Variants in LAIR1 observed in about 807,000 individuals in gnomAD.
LAIR1 encodes leukocyte-associated immunoglobulin-like receptor 1.
Under a neutral mutation model 32.8 loss-of-function variants are expected in LAIR1, and 24 were observed. The observed-to-expected ratio is 0.73, with a 90% CI of 0.53 to 1.03. LAIR1 has a LOEUF of 1.03. LAIR1 is among the 50% of genes least tolerant of loss of function. The pLI is 0.00. For synonymous variants in LAIR1, 150 were observed against 140.5 expected (o/e 1.07, Z -0.48); for missense variants, 355 against 347.5 (o/e 1.02, Z -0.17).
Position 54,360,601 on chromosome 19 carries a change from AG to A in LAIR1, c.364+314del, listed in dbSNP as rs920673469. ...TGTGAAAAGACACTCATCCTCTTGT[AG>A]GGGGGTTGCCCCCTAATCTCTGGGA... On this transcript the variant is annotated intron_variant, in intron 3 of 9. Transcript: ENST00000391742. 32 of 486,188 alleles carry A rather than the reference AG, an allele frequency of 6.6e-5. 1 individual carries two copies. The Admixed American group carries it at 1.1e-3, about 16-fold the overall frequency. 30.1% of individuals were successfully genotyped at this position (486,188 alleles called of 1,614,324 possible).
chr19:54,373,408 C>T (rs1427541848), upstream of LAIR1, among the ~76,000 whole-genome samples: 1 of 151,748 alleles, frequency 6.6e-6, no homozygotes, highest in Admixed American at 6.6e-5. Flanking sequence ...CGCGCCACTG[C>T]ACTCCAGCCA....
rs1003218674 is a variant in LAIR1 at position 54,360,658 on chromosome 19, G to C, written c.364+258C>G. ...CTCCCCACCCAGCCAAGCAGAGCCAGCTCTGAGCCCACCAGATGCTGGAGC... is the reference window on the plus strand; with the variant it reads ...CTCCCCACCCAGCCAAGCAGAGCCACCTCTGAGCCCACCAGATGCTGGAGC... On this transcript the variant is annotated intron_variant, in intron 3 of 9. Coordinates refer to ENST00000391742, the MANE Select transcript of LAIR1 (RefSeq NM_002287.6). The C allele has an allele frequency of 5.4e-6, 3 of 552,796 alleles. No individual in the cohort carries two copies. The African/African-American group carries it at 5.6e-5, about 10-fold the overall frequency. 34.2% of individuals were successfully genotyped at this position (552,796 alleles called of 1,614,324 possible).
upstream of LAIR1, among the ~76,000 whole-genome samples, chr19:54,372,451 T>G (rs10416813): frequency 0.085 from 12,769 of 150,628 alleles, 1,988 homozygotes; most frequent in African/African-American, 0.28. Context: ...CAGAGAACTT[T>G]GACAAGCCAC....
chr19:54,356,895 C>G, intron 5 of LAIR1, 33 bp downstream of exon 5: 1 of 1,613,260 alleles, frequency 6.2e-7, no homozygotes, highest in Non-Finnish European at 8.5e-7. Context: ...GAGGCACACA[C>G]CAGCTTCATG....
Position 54,355,311 on chromosome 19 carries a change from G to A in LAIR1, c.821C>T (p.Pro274Leu). 1 of 1,613,154 alleles carries A rather than the reference G, an allele frequency of 6.2e-7. No individual in the cohort carries two copies. Among genetic ancestry groups the A allele is most frequent in the African/African-American group, 1.3e-5 (1 of 74,966 alleles). The change falls in exon 10 of 10, where the codon CCC (proline) becomes CTC (leucine). Residue 274 changes from proline (P) to leucine (L), a missense_variant. Physicochemically the swap from Pro to Leu is moderately conservative, Grantham distance 98 (BLOSUM62 -3). Coordinates refer to ENST00000391742, the MANE Select transcript of LAIR1 (RefSeq NM_002287.6). This position sits in a 1 kb window ranked among gnomAD's most constrained non-coding sequence, Gnocchi z 4.7. ...ARAVSPQSTK[P>L]MAESITYAAV... ...TGCATACGTGATGGACTCGGCCATG[G>A]GCTTTGTGGACTGTGGGGACACAGC... is the stretch of plus-strand genomic sequence containing the variant.
chr19:54,358,211 A>G (rs1212580645), intron 4 of LAIR1: 2 of 144,504 alleles, frequency 1.4e-5, no homozygotes, highest in African/African-American at 5.1e-5. Context: ...TAATGTATAC[A>G]TAATAGATAA....
In LAIR1 at chr19:54,355,625, C is replaced by T. The variant is rs939695122; in HGVS notation, c.718-211G>A. Among the ~76,000 whole-genome samples the T allele has an allele frequency of 6.6e-6, 1 of 152,202 alleles. No homozygotes were observed. The highest frequency in any genetic ancestry group is 2.4e-5 in the African/African-American group (1 of 41,464). ...GAAGACTCCTGACTTCCAAGCTGAG[C>T]CAAAAGACATGGTGCTTCTGTCCCC... On this transcript the variant is annotated intron_variant, in intron 9 of 9. Transcript: ENST00000391742. The surrounding 1 kb of genome is among the most constrained non-coding windows in gnomAD (Gnocchi z 4.7).
chr19:54,361,230 G>C (rs771848995), intron 2 of LAIR1, 21 bp from the exon 3 acceptor site: 1 of 1,611,872 alleles, frequency 6.2e-7, no homozygotes, highest in Non-Finnish European at 8.5e-7. Context: ...AGCAGAGCAG[G>C]ATCTCAGCGT....
chr19:54,366,551 C>T (rs373365993), upstream of LAIR1, among the ~76,000 whole-genome samples: 157 of 152,058 alleles, frequency 1.0e-3, 5 homozygotes, highest in South Asian at 0.029. Context: ...TGAAGCAGTG[C>T]GATCTCGGCT....
upstream of LAIR1, among the ~76,000 whole-genome samples, chr19:54,374,165 G>C (rs2082464390): frequency 1.3e-5 from 2 of 152,070 alleles, no homozygotes; most frequent in Admixed American, 1.3e-4. Flanking sequence ...AAATGTACCT[G>C]AGAATGTATA....
At chr19:54,372,057 G>T (rs528774458), upstream of LAIR1, among the ~76,000 whole-genome samples, 2 of 151,706 alleles carry the variant, frequency 1.3e-5, no homozygotes, top group East Asian at 3.9e-4. Context: ...GGGCATCTTG[G>T]TTGCTTCCAA....
Position 54,355,940 on chromosome 19 carries a change from G to A in LAIR1, c.717+14C>T. ...TAAATTTGGGGTACTTTAATAACTA[G>A]TAGGAAGGCTCACCGAGGTGTCCGT... is the stretch of plus-strand genomic sequence containing the variant. On this transcript the variant is annotated intron_variant, in intron 9 of 9. Coordinates refer to ENST00000391742, the MANE Select transcript of LAIR1 (RefSeq NM_002287.6). This position sits in a 1 kb window ranked among gnomAD's most constrained non-coding sequence, Gnocchi z 4.7. 1 of 1,563,742 alleles carries A rather than the reference G, an allele frequency of 6.4e-7. No homozygotes were observed. The highest frequency in any genetic ancestry group is 1.7e-5 in the Admixed American group (1 of 59,946).
In LAIR1 at chr19:54,356,582, C is replaced by G. The variant is rs751248708; in HGVS notation, c.492G>C (p.Leu164=). 1.3e-4 allele frequency: 203 copies of G among 1,613,828 alleles called. No individual in the cohort carries two copies. The East Asian group carries it at 4.5e-3, about 36-fold the overall frequency. The change falls in exon 6 of 10, where the codon CTG becomes CTC. Residue 164 remains leucine (L), a synonymous_variant. Coordinates refer to ENST00000391742, the MANE Select transcript of LAIR1 (RefSeq NM_002287.6). ...PASQGLKAEH[L]YILIGVSVVF... ...CCACTGAGACCCCGATGAGAATATA[C>G]AGATGCTCAGCTTTCAGGCCTTGGG...
upstream of LAIR1, among the ~76,000 whole-genome samples, chr19:54,373,836 T>C (rs1362126861): frequency 2.0e-5 from 3 of 152,258 alleles, no homozygotes; most frequent in African/African-American, 7.2e-5. Flanking sequence ...GACACCCGCT[T>C]CCTCCATTGT....
At chr19:54,363,168 C>CA (rs201911674) in intron 2 of LAIR1, among the ~76,000 whole-genome samples, 22,299 of 151,792 alleles carry the variant, frequency 0.15, 1,833 homozygotes, top group Non-Finnish European at 0.19. Context: ...GCAGCAGTGG[C>CA]ATGGACAGGC....
At chr19:54,369,286 T>C (rs1569210640), upstream of LAIR1, among the ~76,000 whole-genome samples, 2 of 151,108 alleles carry the variant, frequency 1.3e-5, no homozygotes, top group Admixed American at 6.6e-5. Context: ...CAGAGAAGGG[T>C]TTCTGTTTTC....
intron 2 of LAIR1, among the ~76,000 whole-genome samples, chr19:54,362,456 G>T (rs1250259546): frequency 1.3e-5 from 2 of 152,162 alleles, no homozygotes; most frequent in Non-Finnish European, 2.9e-5. Context: ...CTTCCAGAAG[G>T]GAGGACCGGT....
rs1343064669 is a variant in LAIR1 at position 54,354,118 on chromosome 19, C to T, written c.*1150G>A. On this transcript the variant is annotated 3_prime_UTR_variant, in exon 10 of 10. Transcript: ENST00000391742. ...TGGTACATAGGGTAATTTTCTGTGTCAATCAGTACATCTGACCCTACAGGT... is the reference window on the plus strand; with the variant it reads ...TGGTACATAGGGTAATTTTCTGTGTTAATCAGTACATCTGACCCTACAGGT... The T allele has an allele frequency of 6.6e-6, 1 of 152,124 alleles. No individual in the cohort carries two copies. Among genetic ancestry groups the T allele is most frequent in the African/African-American group, 2.4e-5 (1 of 41,400 alleles). 9.4% of individuals were successfully genotyped at this position (152,124 alleles called of 1,614,324 possible).
chr19:54,374,693 C>G (rs577020621), upstream of LAIR1, among the ~76,000 whole-genome samples: 21 of 152,220 alleles, frequency 1.4e-4, no homozygotes, highest in Non-Finnish European at 2.4e-4. Flanking sequence ...GCCCAGAAGG[C>G]TCCCAGCCCC....
Sources: gnomAD v4.1 joint callset for allele counts (sites outside exome capture counted in the v4.1 genomes callset) on GRCh38, gnomAD v4.1.1 for gene constraint, Gnocchi (gnomAD v3.1) non-coding constraint, MANE v1.5 for transcripts, NCBI Gene and HGNC (gene_info 2026-07-23, HGNC 2026-07-21) for gene names.